LIMCH1: variants seen among roughly 807,000 people sequenced by gnomAD.
LIMCH1 encodes LIM and calponin homology domains 1, also known as LIM and calponin homology domains-containing protein 1.
Under a neutral mutation model 176.5 loss-of-function variants are expected in LIMCH1, and 113 were observed. The ratio of observed to expected loss-of-function variants is 0.64; its 90% CI spans 0.55 to 0.75. The LOEUF (loss-of-function observed/expected upper bound fraction) is 0.75. Ranked by LOEUF, LIMCH1 falls within the 30% of genes least tolerant of loss-of-function variation. The probability of loss-of-function intolerance (pLI) is 0.00; values close to 1 mark genes in which losing one functional copy is unlikely to be tolerated. For missense variants in LIMCH1, 1,674 were observed against 1,814.9 expected, an observed-to-expected ratio of 0.92 and a Z score of 1.41; for synonymous variants, 619 against 645.9, an observed-to-expected ratio of 0.96 and a Z score of 0.63.
intron 1 of LIMCH1, among the ~76,000 whole-genome samples, chr4:41,544,963 C>A (rs2079166886): frequency 6.6e-6 from 1 of 152,230 alleles, no homozygotes; most frequent in African/African-American, 2.4e-5. Flanking sequence ...ATTGATCTCT[C>A]TTCCCTTTTC....
intron 1 of LIMCH1, among the ~76,000 whole-genome samples, chr4:41,466,414 A>G (rs914006279): frequency 5.9e-5 from 9 of 152,256 alleles, no homozygotes; most frequent in African/African-American, 1.2e-4. Flanking sequence ...GGCTGGGGCC[A>G]TATTTCCAGG....
intron 2 of LIMCH1, among the ~76,000 whole-genome samples, chr4:41,510,593 A>T (rs1266825119): frequency 2.0e-5 from 3 of 146,632 alleles, no homozygotes; most frequent in Admixed American, 1.4e-4. Context: ...TTTATAAATG[A>T]TTTTTTTTTT....
At chr4:41,420,425 T>C (rs1268747622) in intron 1 of LIMCH1, among the ~76,000 whole-genome samples, 3 of 152,214 alleles carry the variant, frequency 2.0e-5, no homozygotes, top group African/African-American at 7.2e-5. Context: ...ATCAGAGCCA[T>C]GCCTTGGATT....
chr4:41,516,020 A>G (rs1453969817), intron 2 of LIMCH1, among the ~76,000 whole-genome samples: 1 of 152,256 alleles, frequency 6.6e-6, no homozygotes, highest in Non-Finnish European at 1.5e-5. Flanking sequence ...TGATGATTGC[A>G]TGTATCACTC....
At chr4:41,695,394 G>A (rs1729833550) in intron 31 of LIMCH1, among the ~76,000 whole-genome samples, 1 of 151,344 alleles carries the variant, frequency 6.6e-6, no homozygotes, top group Admixed American at 6.6e-5. Context: ...AAAAAATGAG[G>A]TAGCTATCTG....
Position 41,673,017 on chromosome 4 carries a change from T to C in LIMCH1, c.3438+1423T>C, listed in dbSNP as rs145463402. Among the ~76,000 whole-genome samples the C allele has an allele frequency of 2.8e-4, 43 of 152,274 alleles. 1 individual carries two copies. Among genetic ancestry groups the C allele is most frequent in the African/African-American group, 9.4e-4 (39 of 41,552 alleles). On this transcript the variant is annotated intron_variant, in intron 22 of 31. Transcript: ENST00000503057. The stretch of plus-strand genomic sequence containing the variant: ...TAAATAAATCCTCCCCCTCTCCCAA[T>C]AGCTAATCCAAGAGGCCCACCATAG...
intron 20 of LIMCH1, 38 bp downstream of exon 20, chr4:41,663,022 A>G (rs768711809): frequency 2.5e-6 from 4 of 1,589,690 alleles, no homozygotes; most frequent in Admixed American, 1.7e-5. Context: ...TAAACCCACA[A>G]GTTAACATGG....
At chr4:41,371,241 A>G (rs2053912227) in intron 1 of LIMCH1, among the ~76,000 whole-genome samples, 1 of 152,138 alleles carries the variant, frequency 6.6e-6, no homozygotes. Context: ...CATCTTCTAT[A>G]TACATAGCAC....
intron 1 of LIMCH1, among the ~76,000 whole-genome samples, chr4:41,539,896 G>C (rs1415725414): frequency 2.0e-5 from 3 of 152,348 alleles, no homozygotes; most frequent in African/African-American, 4.8e-5. Context: ...GACCATGGCT[G>C]TTGGGGGTAT....
At chr4:41,362,919 A>G (rs1043775399) in intron 1 of LIMCH1, among the ~76,000 whole-genome samples, 2 of 152,176 alleles carry the variant, frequency 1.3e-5, no homozygotes, top group Non-Finnish European at 2.9e-5. Flanking sequence ...ATGCTTTACC[A>G]TTCATACCAA....
chr4:41,360,836 C>T lies in LIMCH1; in HGVS notation c.-5C>T, dbSNP rs781187553. 9 of 1,551,244 alleles carry T rather than the reference C, an allele frequency of 5.8e-6. No homozygotes were observed. Among genetic ancestry groups the T allele is most frequent in the Non-Finnish European group, 6.1e-6 (7 of 1,150,326 alleles). ...CGGCGCTTGAGAGGACGCGGGGCTG[C>T]GCAAATGGCTTGTCCCGCTCTCGGT... On this transcript the variant is annotated 5_prime_UTR_variant, in exon 1 of 27. Coordinates refer to the LIMCH1 transcript ENST00000313860. The surrounding 1 kb of genome is among the most constrained non-coding windows in gnomAD (Gnocchi z 4.5).
intron 2 of LIMCH1, among the ~76,000 whole-genome samples, chr4:41,504,579 A>G (rs1366184527): frequency 2.0e-5 from 3 of 152,210 alleles, no homozygotes; most frequent in Non-Finnish European, 4.4e-5. Context: ...CTCCCTGGCA[A>G]TGGCAGTATG....
At chr4:41,375,950 A>G (rs1380923175) in intron 1 of LIMCH1, among the ~76,000 whole-genome samples, 1 of 152,198 alleles carries the variant, frequency 6.6e-6, no homozygotes, top group Non-Finnish European at 1.5e-5. Context: ...ACAGTTTTCT[A>G]GATTTCTTGG....
At chr4:41,463,004 T>C (rs2065595669) in intron 1 of LIMCH1, among the ~76,000 whole-genome samples, 3 of 152,122 alleles carry the variant, frequency 2.0e-5, no homozygotes, top group Admixed American at 6.5e-5. Context: ...GCAATTTTGA[T>C]CACCAGCATG....
At chr4:41,687,012 G>T (rs1024255963) in intron 28 of LIMCH1, among the ~76,000 whole-genome samples, 9 of 152,152 alleles carry the variant, frequency 5.9e-5, no homozygotes, top group African/African-American at 1.9e-4. Flanking sequence ...GTGATATTTG[G>T]AGAAGACAAG....
At chr4:41,473,209 A>C (rs572245840) in intron 1 of LIMCH1, 1 of 984,208 alleles carries the variant, frequency 1.0e-6, no homozygotes, top group South Asian at 4.7e-5. Context: ...TGTGCTGTTT[A>C]CTGCATGTTC....
At position 41,584,707 on chromosome 4, in the gene LIMCH1, A is replaced by G. The variant is rs573834128; in HGVS notation, c.-240-14213A>G. Among the ~76,000 whole-genome samples, 19 of 152,178 alleles carry G rather than the reference A, an allele frequency of 1.2e-4. No individual in the cohort carries two copies. In the South Asian group the frequency reaches 3.9e-3, roughly 32 times the overall value. On this transcript the variant is annotated intron_variant, in intron 1 of 31. Coordinates refer to ENST00000503057, the MANE Select transcript of LIMCH1 (RefSeq NM_001330672.2). ...TTGTTTGTTTGTTTTGCATTTTTAT[A>G]CCTAACAAAATTGACCATTTTAACC... is the stretch of plus-strand genomic sequence containing the variant.
intron 30 of LIMCH1, 72 bp from the exon 31 acceptor site, chr4:41,692,210 A>C: frequency 1.1e-6 from 1 of 888,292 alleles, no homozygotes; most frequent in Non-Finnish European, 1.9e-6. Flanking sequence ...CTATTCACAT[A>C]AACAGTAACT....
At chr4:41,540,241 A>C (rs1160414432) in intron 1 of LIMCH1, among the ~76,000 whole-genome samples, 1 of 151,936 alleles carries the variant, frequency 6.6e-6, no homozygotes, top group Non-Finnish European at 1.5e-5. Context: ...TTTTCTTGTC[A>C]TGTGGTTCAA....
Sources: gnomAD v4.1 joint callset for allele counts (sites outside exome capture counted in the v4.1 genomes callset) on GRCh38, gnomAD v4.1.1 for gene constraint, Gnocchi (gnomAD v3.1) non-coding constraint, MANE v1.5 for transcripts, NCBI Gene and HGNC (gene_info 2026-07-23, HGNC 2026-07-21) for gene names.